TICRR: variants seen among roughly 807,000 people sequenced by gnomAD.
TICRR encodes the protein treslin.
A neutral mutation model predicts 178.1 loss-of-function variants in TICRR; 132 were observed. That is an observed-to-expected ratio of 0.74 (90% CI 0.64 to 0.86). TICRR has a LOEUF of 0.86. Ranked by LOEUF, TICRR falls within the 40% of genes least tolerant of loss-of-function variation. The probability of loss-of-function intolerance (pLI) is 0.00; values close to 1 mark genes in which losing one functional copy is unlikely to be tolerated. For synonymous variants in TICRR, 991 were observed against 900.7 expected (o/e 1.10, Z -1.79); for missense variants, 2,587 against 2,334.3 (o/e 1.11, Z -2.23).
chr15:89,602,666 C>T (rs1963116724), intron 12 of TICRR, 130 bp from the exon 13 acceptor site: 6 of 460,666 alleles, frequency 1.3e-5, no homozygotes, highest in South Asian at 1.2e-4. Flanking sequence ...TTATTATAAA[C>T]CCAGAACAAC....
At chr15:89,606,889 T>G in intron 14 of TICRR, 64 bp downstream of exon 14, 1 of 1,428,072 alleles carries the variant, frequency 7.0e-7, no homozygotes, top group Non-Finnish European at 9.9e-7. Flanking sequence ...TTATTGTATG[T>G]ATTTAAGCAG....
Position 89,596,172 on chromosome 15 carries a change from C to T in TICRR, c.1900+561C>T, listed in dbSNP as rs532949701. ...TGCCCCAATAATTCCGTGAGAAAGA[C>T]ATAATCTTTTCAATAAATGATGCTG... On this transcript the variant is annotated intron_variant, in intron 7 of 21. Coordinates refer to ENST00000268138, the MANE Select transcript of TICRR (RefSeq NM_152259.4). Among the ~76,000 whole-genome samples, 6 of 152,266 alleles carry T rather than the reference C, an allele frequency of 3.9e-5. No homozygotes were observed. The South Asian group carries it at 1.2e-3, about 32-fold the overall frequency.
chr15:89,626,726 GT>G (rs543353029), intron 21 of TICRR, among the ~76,000 whole-genome samples: 329 of 152,240 alleles, frequency 2.2e-3, no homozygotes, highest in African/African-American at 7.6e-3. Context: ...CAAACCACAG[GT>G]ACTTTGCATT....
At position 89,601,366 on chromosome 15, in the gene TICRR, A is replaced by G. The variant is rs752287437; in HGVS notation, c.2222A>G (p.Asp741Gly). 1.2e-6 allele frequency: 2 copies of G among 1,614,190 alleles called. No homozygotes were observed. The highest frequency in any genetic ancestry group is 1.7e-5 in the Admixed American group (1 of 60,038). ...LQCPSINEST[D>G]DMEQVVEEVT... ...TGCCCTTCAATAAATGAAAGTACAG[A>G]TGATATGGAACAAGTAGTGGAGGAG... Residue 741 changes from aspartate to glycine, a missense_variant, in exon 10 of 22, where the codon GAT (aspartate) becomes GGT (glycine). Transcript: ENST00000268138.
rs1963551240 is a variant in TICRR at position 89,627,335 on chromosome 15, G to A, written c.*249G>A. ...GTGCTATAACTCAGGCAGCCTGGGAGTCAGGAACCCAGACAAGGAATCCCA... is the reference window on the plus strand; with the variant it reads ...GTGCTATAACTCAGGCAGCCTGGGAATCAGGAACCCAGACAAGGAATCCCA... On this transcript the variant is annotated 3_prime_UTR_variant, in exon 22 of 22. Transcript: ENST00000268138. 1 of 449,488 alleles carries A rather than the reference G, an allele frequency of 2.2e-6. No homozygotes were observed. The highest frequency in any genetic ancestry group is 3.9e-6 in the Non-Finnish European group (1 of 254,516). The allele number at this position is 449,488 out of a possible 1,614,324, so 27.8% of individuals were successfully genotyped here. A position where few individuals can be genotyped will look rare whatever the true frequency, so the allele number is the denominator to read the frequency against.
Position 89,576,984 on chromosome 15 carries a change from T to TC in TICRR, c.654+746dup, listed in dbSNP as rs1260704343. Among the ~76,000 whole-genome samples the TC allele has an allele frequency of 2.0e-5, 3 of 151,484 alleles. No homozygotes were observed. The East Asian group carries it at 5.8e-4, about 29-fold the overall frequency. On this transcript the variant is annotated intron_variant, in intron 1 of 21. Coordinates refer to ENST00000268138, the MANE Select transcript of TICRR (RefSeq NM_152259.4). ...AGTGGCTCACTGCAACCTCCACCCC[T>TC]CCGGGTTCAAGCGATTCTCATGCCT...
At chr15:89,606,328 A>G (rs1963174922) in intron 13 of TICRR, among the ~76,000 whole-genome samples, 1 of 152,216 alleles carries the variant, frequency 6.6e-6, no homozygotes, top group South Asian at 2.1e-4. Flanking sequence ...TGGATTTTGG[A>G]ACATTTGCAT....
chr15:89,581,818 A>G (rs1962731130), intron 1 of TICRR, among the ~76,000 whole-genome samples: 1 of 152,178 alleles, frequency 6.6e-6, no homozygotes, highest in Non-Finnish European at 1.5e-5. Context: ...TACTTAGAGC[A>G]CCATGGAGGA....
At chr15:89,594,635 A>T in intron 6 of TICRR, 81 bp downstream of exon 6, 1 of 1,292,048 alleles carries the variant, frequency 7.7e-7, no homozygotes, top group Non-Finnish European at 1.0e-6. Context: ...TCCTGAAATG[A>T]GGTTGAAATG....
chr15:89,585,923 T>C lies in TICRR; in HGVS notation c.1392T>C (p.Leu464=). The C allele has an allele frequency of 6.2e-7, 1 of 1,613,962 alleles. No individual in the cohort carries two copies. ...DSILNQTHDS[L]ADTASAASPV... ...TATTGAATCAGACTCATGATTCGCT[T>C]GCAGATACTGCTTCTGCTGGTAAGC... Residue 464 remains leucine (L), a synonymous_variant, in exon 4 of 22, where the codon CTT becomes CTC. Transcript: ENST00000268138.
intron 2 of TICRR, among the ~76,000 whole-genome samples, 180 bp downstream of exon 2, chr15:89,583,145 C>T (rs544275202): frequency 6.6e-6 from 1 of 152,254 alleles, no homozygotes; most frequent in South Asian, 2.1e-4. Flanking sequence ...GAGTTGAACT[C>T]TTAATTCAGT....
intron 2 of TICRR, among the ~76,000 whole-genome samples, chr15:89,583,643 T>C (rs1424056989): frequency 1.3e-5 from 2 of 152,166 alleles, no homozygotes; most frequent in Non-Finnish European, 2.9e-5. Context: ...AGTGGTGTCT[T>C]CTTTCTTATA....
Position 89,626,019 on chromosome 15 carries a change from T to C in TICRR, c.5560T>C (p.Phe1854Leu). The change falls in exon 21 of 22, where the codon TTC (phenylalanine) becomes CTC (leucine). Residue 1854 changes from phenylalanine (F) to leucine (L), a missense_variant. Physicochemically the swap from Phe to Leu is conservative, Grantham distance 22. Transcript: ENST00000268138. ...GGCTCTGACCCAGTCTCCGCTGCTG[T>C]TCCAGGGGAAAACACCTTCCTCTCA... ...LQALTQSPLL[F>L]QGKTPSSQSK... 6.2e-7 allele frequency: 1 copy of C among 1,613,818 alleles called. No individual in the cohort carries two copies. Among genetic ancestry groups the C allele is most frequent in the Non-Finnish European group, 8.5e-7 (1 of 1,179,826 alleles).
chr15:89,597,450 G>A (rs1001943916), intron 7 of TICRR, among the ~76,000 whole-genome samples: 100 of 151,682 alleles, frequency 6.6e-4, no homozygotes, highest in African/African-American at 2.1e-3. Context: ...GCTTGATCCC[G>A]GGAGACAGAG....
rs370198423 is a variant in TICRR, at chr15:89,595,373, C to T, written c.1682-20C>T. 1.3e-6 allele frequency: 2 copies of T among 1,589,222 alleles called. No individual in the cohort carries two copies. The highest frequency in any genetic ancestry group is 2.2e-5 in the East Asian group (1 of 44,752). ...AGTGGAAGGCAATTTACTTTCCCTCCTCTGATGTTGTTTTGGTAGGAGGGG... is the reference window on the plus strand; with the variant it reads ...AGTGGAAGGCAATTTACTTTCCCTCTTCTGATGTTGTTTTGGTAGGAGGGG... On this transcript the variant is annotated intron_variant, in intron 6 of 21. Transcript: ENST00000268138.
chr15:89,620,396 C>T (rs945706641), intron 18 of TICRR, among the ~76,000 whole-genome samples: 2 of 151,702 alleles, frequency 1.3e-5, no homozygotes, highest in Non-Finnish European at 2.9e-5. Context: ...TTAGTAAAGA[C>T]TGGGTTTCAC....
intron 1 of TICRR, among the ~76,000 whole-genome samples, chr15:89,576,776 G>A (rs1444185060): frequency 1.4e-5 from 2 of 145,886 alleles, no homozygotes; most frequent in East Asian, 2.0e-4. Flanking sequence ...GAGGCAAGCA[G>A]CAGGTTTTAA....
chr15:89,579,438 T>G (rs1464264831), intron 1 of TICRR, among the ~76,000 whole-genome samples: 1 of 151,920 alleles, frequency 6.6e-6, no homozygotes, highest in South Asian at 2.1e-4. Flanking sequence ...CTCCGCCTCC[T>G]GGGTTCAAGT....
Position 89,625,936 on chromosome 15 carries a change from G to A in TICRR, c.5477G>A (p.Gly1826Asp). The A allele has an allele frequency of 6.4e-7, 1 of 1,570,476 alleles. No homozygotes were observed. Among genetic ancestry groups the A allele is most frequent in the Non-Finnish European group, 8.6e-7 (1 of 1,162,794 alleles). ...CTCTTACTATGTGGGATCTCTTTAG[G>A]CTCCACCCCACCTCCCAGCTGTGCC... is the stretch of plus-strand genomic sequence containing the variant. ...STGDEEVFVS[G>D]STPPPSCAVR... Residue 1826 changes from glycine (G) to aspartate (D), a missense_variant and splice_region_variant, in exon 21 of 22, where the codon GGC becomes GAC. By Grantham distance (94) the Gly-to-Asp change is moderately conservative (BLOSUM62 -1). Transcript: ENST00000268138.
Sources: gnomAD v4.1 joint callset for allele counts (sites outside exome capture counted in the v4.1 genomes callset) on GRCh38, gnomAD v4.1.1 for gene constraint, MANE v1.5 for transcripts, NCBI Gene and HGNC (gene_info 2026-07-23, HGNC 2026-07-21) for gene names.